DNAH7: variants seen among roughly 807,000 people sequenced by gnomAD.
DNAH7 encodes the protein dynein axonemal heavy chain 7.
A neutral mutation model predicts 444.6 loss-of-function variants in DNAH7; 397 were observed. The ratio of observed to expected loss-of-function variants is 0.89; its 90% CI spans 0.82 to 0.97. The LOEUF is 0.97. Ranked by LOEUF, DNAH7 falls within the 50% of genes least tolerant of loss-of-function variation. The probability of loss-of-function intolerance (pLI) is 0.00; values close to 1 mark genes in which losing one functional copy is unlikely to be tolerated. For synonymous variants in DNAH7, 1,636 were observed against 1,624.4 expected, an observed-to-expected ratio of 1.01 and a Z score of -0.17; for missense variants, 4,902 against 4,800.8, an observed-to-expected ratio of 1.02 and a Z score of -0.62.
intron 5 of DNAH7, among the ~76,000 whole-genome samples, chr2:196,032,073 G>A (rs889469464): frequency 7.9e-5 from 12 of 152,320 alleles, no homozygotes; most frequent in African/African-American, 2.4e-4. Context: ...ACAGTTCCAC[G>A]TGGTTGGGGG....
chr2:195,923,822 A>T lies in DNAH7; in HGVS notation c.3613-15T>A. On this transcript the variant is annotated splice_polypyrimidine_tract_variant and intron_variant, in intron 22 of 64. Coordinates refer to ENST00000312428, the MANE Select transcript of DNAH7 (RefSeq NM_018897.3). The stretch of plus-strand genomic sequence containing the variant: ...TGCTCAAGAGCCTGAAAGAAAAGAA[A>T]ATAAGATATGATTTCCCAATGTGAT... 1.2e-6 allele frequency: 2 copies of T among 1,609,664 alleles called. No individual in the cohort carries two copies. Among genetic ancestry groups the T allele is most frequent in the Non-Finnish European group, 1.7e-6 (2 of 1,176,156 alleles).
chr2:195,953,406 C>G (rs1467557215), intron 19 of DNAH7, among the ~76,000 whole-genome samples: 2 of 152,198 alleles, frequency 1.3e-5, no homozygotes, highest in African/African-American at 4.8e-5. Flanking sequence ...TCAGGAGGCA[C>G]AGAGGTCAGG....
intron 53 of DNAH7, 130 bp downstream of exon 53, chr2:195,808,552 A>T: frequency 9.3e-7 from 1 of 1,070,840 alleles, no homozygotes; most frequent in Non-Finnish European, 1.3e-6. Flanking sequence ...GGATAACATA[A>T]ATCAAAATTT....
At chr2:195,863,481 T>C (rs181811077) in intron 41 of DNAH7, among the ~76,000 whole-genome samples, 14 of 152,150 alleles carry the variant, frequency 9.2e-5, no homozygotes, top group Non-Finnish European at 1.2e-4. Flanking sequence ...CTACCCCCCA[T>C]CCATTCGCTG....
intron 58 of DNAH7, among the ~76,000 whole-genome samples, chr2:195,780,655 G>A (rs980623578): frequency 6.6e-6 from 1 of 152,048 alleles, no homozygotes; most frequent in Admixed American, 6.6e-5. Context: ...GGAGGCTGAG[G>A]CATGAGAATC....
At chr2:195,797,726 T>G (rs1243715984) in intron 55 of DNAH7, among the ~76,000 whole-genome samples, 1 of 152,220 alleles carries the variant, frequency 6.6e-6, no homozygotes, top group Non-Finnish European at 1.5e-5. Flanking sequence ...AATAAATTCT[T>G]CAGGCTCCAA....
intron 10 of DNAH7, among the ~76,000 whole-genome samples, chr2:196,007,506 G>A (rs996105223): frequency 6.6e-6 from 1 of 152,166 alleles, no homozygotes; most frequent in African/African-American, 2.4e-5. Context: ...CAGGAAAACA[G>A]GTAAATCTTG....
chr2:195,884,675 T>A lies in DNAH7; in HGVS notation c.5673A>T (p.Leu1891Phe). Reference sequence around the variant, plus strand: ...AGGATGTTTGCTCAGTACCACTCTGTAATTTAAACGTATTTCGAGTTCGAT... The same window carrying A: ...AGGATGTTTGCTCAGTACCACTCTGAAATTTAAACGTATTTCGAGTTCGAT... ...ISDRTRNTFK[L>F]QSGTEQTSSK... The change falls in exon 35 of 65, where the codon TTA becomes TTT. Residue 1891 changes from leucine to phenylalanine, a missense_variant. Transcript: ENST00000312428. The A allele has an allele frequency of 6.2e-7, 1 of 1,614,218 alleles. No individual in the cohort carries two copies. The highest frequency in any genetic ancestry group is 1.3e-5 in the African/African-American group (1 of 75,070).
rs774152606 is a variant in DNAH7, at chr2:195,787,114, T to C, written c.10774A>G (p.Arg3592Gly). The change falls in exon 58 of 65, where the codon AGA (arginine) becomes GGA (glycine). Residue 3592 changes from arginine (R) to glycine (G), a missense_variant. Coordinates refer to ENST00000312428, the MANE Select transcript of DNAH7 (RefSeq NM_018897.3). The part of the protein sequence containing the change: ...LCFFHALVQE[R>G]RKFGPLGWNI... Reference sequence around the variant, plus strand: ...CACCCTAGGGGTCCAAATTTCCGTCTTTCTTGTACCAAAGCATGAAAGAAA... The same window carrying C: ...CACCCTAGGGGTCCAAATTTCCGTCCTTCTTGTACCAAAGCATGAAAGAAA... 5.6e-6 allele frequency: 9 copies of C among 1,611,700 alleles called. No homozygotes were observed. The highest frequency in any genetic ancestry group is 1.7e-5 in the Admixed American group (1 of 59,060).
chr2:195,807,067 T>C (rs1696748084), intron 53 of DNAH7, among the ~76,000 whole-genome samples: 1 of 152,076 alleles, frequency 6.6e-6, no homozygotes, highest in Non-Finnish European at 1.5e-5. Context: ...ACATGAACAC[T>C]AATAAACAGA....
At chr2:195,900,646 G>A (rs1686646138) in intron 27 of DNAH7, 152 bp from the exon 28 acceptor site, 2 of 667,586 alleles carry the variant, frequency 3.0e-6, no homozygotes, top group East Asian at 5.7e-5. Context: ...CTAGAGGCTG[G>A]GAAAGGTGAG....
chr2:195,785,695 T>C (rs1695586528), intron 58 of DNAH7, among the ~76,000 whole-genome samples: 1 of 151,894 alleles, frequency 6.6e-6, no homozygotes. Flanking sequence ...TTCTTCAGCC[T>C]TCTAATTCAT....
chr2:195,914,712 G>A (rs1310754327), intron 24 of DNAH7, among the ~76,000 whole-genome samples: 3 of 152,100 alleles, frequency 2.0e-5, no homozygotes, highest in South Asian at 4.1e-4. Context: ...CACCCAGGCT[G>A]GAGTGCGGTG....
intron 24 of DNAH7, among the ~76,000 whole-genome samples, chr2:195,913,710 G>A (rs1687495448): frequency 9.2e-6 from 1 of 109,206 alleles, no homozygotes; most frequent in African/African-American, 4.4e-5. Flanking sequence ...TTTTGTTGCT[G>A]TTGTTGTTTG....
chr2:195,827,626 G>A (rs892666975), intron 48 of DNAH7, among the ~76,000 whole-genome samples: 7 of 152,076 alleles, frequency 4.6e-5, no homozygotes, highest in African/African-American at 1.7e-4. Flanking sequence ...GTGTCTCCCA[G>A]GCTGGAGTGC....
Position 195,960,833 on chromosome 2 carries a change from G to C in DNAH7, c.2318C>G (p.Ala773Gly). 6.2e-7 allele frequency: 1 copy of C among 1,614,090 alleles called. No homozygotes were observed. Among genetic ancestry groups the C allele is most frequent in the African/African-American group, 1.3e-5 (1 of 75,024 alleles). Reference sequence around the variant, plus strand: ...TCTATAGTTGCTGCTAAATTCGACAGCAGTTTCATAAAGACGAAGATAAGG... The same window carrying C: ...TCTATAGTTGCTGCTAAATTCGACACCAGTTTCATAAAGACGAAGATAAGG... ...LNPYLRLYETAVEFSSNYRAW... is the reference protein window; with the variant it reads ...LNPYLRLYETGVEFSSNYRAW... Residue 773 changes from alanine to glycine, a missense_variant, in exon 18 of 65, where the codon GCT (alanine) becomes GGT (glycine). By Grantham distance (60) the Ala-to-Gly change is moderately conservative. Transcript: ENST00000312428.
chr2:195,976,782 A>AGAGAGAGAGAGAGAGAGAGAGAGG (rs1271798254), intron 15 of DNAH7, among the ~76,000 whole-genome samples: 33 of 146,696 alleles, frequency 2.2e-4, no homozygotes, highest in Admixed American at 6.3e-4. Flanking sequence ...AGAGAGAGAG[A>AGAGAGAGAGAGAGAGAGAGAGAGG]GAGAGACTCT....
At chr2:195,936,448 A>G (rs1689057951) in intron 20 of DNAH7, 151 bp downstream of exon 20, 2 of 463,240 alleles carry the variant, frequency 4.3e-6, no homozygotes, top group South Asian at 1.6e-4. Flanking sequence ...ATTTTTAATA[A>G]TTATCCAAAG....
chr2:196,019,263 G>C lies in DNAH7; in HGVS notation c.776C>G (p.Ser259Cys). ...AATATAACTGCTTGCAGCTAAAAAA[G>C]ATTTCCTCCAAGGTTTTGGCAGAAT... is the stretch of plus-strand genomic sequence containing the variant. The part of the protein sequence containing the change: ...MEILPKPWRK[S>C]FLAASSYIRD... Residue 259 changes from serine to cysteine, a missense_variant, in exon 9 of 65, where the codon TCT becomes TGT. Physicochemically the swap from Ser to Cys is moderately radical, Grantham distance 112 (BLOSUM62 -1). Transcript: ENST00000312428. 1 of 1,505,796 alleles carries C rather than the reference G, an allele frequency of 6.6e-7. No individual in the cohort carries two copies. The highest frequency in any genetic ancestry group is 9.0e-7 in the Non-Finnish European group (1 of 1,112,374). 93.3% of individuals were successfully genotyped at this position (1,505,796 alleles called of 1,614,324 possible). A position where few individuals can be genotyped will look rare whatever the true frequency, so the allele number is the denominator to read the frequency against.
Sources: gnomAD v4.1 joint callset for allele counts (sites outside exome capture counted in the v4.1 genomes callset) on GRCh38, gnomAD v4.1.1 for gene constraint, MANE v1.5 for transcripts, NCBI Gene and HGNC (gene_info 2026-07-23, HGNC 2026-07-21) for gene names.